WDR47: variants seen among roughly 807,000 people sequenced by gnomAD.
The protein encoded by WDR47 is WD repeat-containing protein 47.
WDR47 carries 32 observed loss-of-function variants against 97.2 expected under a neutral mutation model. The observed-to-expected ratio is 0.33, with a 90% confidence interval of 0.25 to 0.44. The LOEUF (loss-of-function observed/expected upper bound fraction) is 0.44, where lower values mean the gene tolerates loss of function less well. Ranked by LOEUF, WDR47 falls within the 20% of genes least tolerant of loss-of-function variation. WDR47 has a pLI of 1.00. For missense variants in WDR47, 782 were observed against 1,102.3 expected (o/e 0.71, Z 4.11); for synonymous variants, 375 against 373.5 (o/e 1.00, Z -0.05).
intron 2 of WDR47, among the ~76,000 whole-genome samples, chr1:109,020,646 AG>A (rs1204812449): frequency 1.3e-5 from 2 of 152,054 alleles, no homozygotes; most frequent in Admixed American, 6.6e-5. Context: ...TCATAAATCA[AG>A]CAGGAGGGTA....
chr1:109,001,338 TAAAC>T (rs1374156463), intron 7 of WDR47, among the ~76,000 whole-genome samples: 34 of 152,008 alleles, frequency 2.2e-4, no homozygotes, highest in Admixed American at 9.8e-4. Flanking sequence ...TAATAAAAAA[TAAAC>T]ACACACGTGT....
chr1:109,034,787 G>A (rs551921622), intron 1 of WDR47, among the ~76,000 whole-genome samples: 2 of 152,326 alleles, frequency 1.3e-5, no homozygotes, highest in Non-Finnish European at 2.9e-5. Context: ...CAAAAGGGCT[G>A]AGGACTGTTG....
In WDR47 at chr1:109,031,539, C is replaced by T. The variant is rs541613858; in HGVS notation, c.-9-8018G>A. ...ATATAACAAACCTGTACATGTACCCCTGAACCTAAAATGAATAGGAATGGG... is the reference window on the plus strand; with the variant it reads ...ATATAACAAACCTGTACATGTACCCTTGAACCTAAAATGAATAGGAATGGG... On this transcript the variant is annotated intron_variant, in intron 1 of 14. Coordinates refer to ENST00000369962, the MANE Select transcript of WDR47 (RefSeq NM_001142551.2). Among the ~76,000 whole-genome samples, 19 of 138,754 alleles carry T rather than the reference C, an allele frequency of 1.4e-4. 5 individuals are homozygous for T. In the South Asian group the frequency reaches 4.4e-3, roughly 32 times the overall value. The allele number at this position is 138,754 out of a possible 152,430, so 91.0% of individuals were successfully genotyped here.
At position 109,004,641 on chromosome 1, in the gene WDR47, G is replaced by A. The variant is rs748563049; in HGVS notation, c.1205C>T (p.Pro402Leu). The A allele has an allele frequency of 2.5e-6, 4 of 1,613,460 alleles. No homozygotes were observed. The highest frequency in any genetic ancestry group is 4.5e-5 in the East Asian group (2 of 44,814). The change falls in exon 6 of 15, where the codon CCT (proline) becomes CTT (leucine). Residue 402 changes from proline (P) to leucine (L), a missense_variant. Pro to Leu is a moderately conservative substitution (Grantham distance 98). This residue lies in a region of WDR47 where 428 missense variants were observed against 584.3 expected (regional missense o/e 0.73). Transcript: ENST00000369962. ...LGQSSVSEKE[P>L]ANGAQNPGPA... ...TCCTGGATTCTGTGCTCCATTTGCA[G>A]GCTCTTTTTCTGAAACTGAACTCTG...
chr1:109,009,974 A>C (rs1361072316), intron 5 of WDR47, among the ~76,000 whole-genome samples: 15 of 151,660 alleles, frequency 9.9e-5, no homozygotes, highest in Non-Finnish European at 1.5e-5. Context: ...CTCCAGCCTG[A>C]GTGACAAAAG....
chr1:109,040,582 T>C (rs1485191333), intron 1 of WDR47, among the ~76,000 whole-genome samples: 1 of 152,196 alleles, frequency 6.6e-6, no homozygotes, highest in Non-Finnish European at 1.5e-5. Context: ...TTTGGCTTTT[T>C]TACCTAACAA....
At chr1:108,993,662 A>G (rs1392607364) in intron 8 of WDR47, among the ~76,000 whole-genome samples, 1 of 152,190 alleles carries the variant, frequency 6.6e-6, no homozygotes, top group Non-Finnish European at 1.5e-5. Context: ...TAAAGTGATC[A>G]AAAAGCAGTA....
intron 8 of WDR47, among the ~76,000 whole-genome samples, chr1:108,995,035 A>G (rs1659647675): frequency 6.6e-6 from 1 of 152,196 alleles, no homozygotes; most frequent in Admixed American, 6.5e-5. Context: ...GTTTTATGCT[A>G]AGAATATAGA....
At chr1:109,037,626 C>CAAA (rs1334177386) in intron 1 of WDR47, among the ~76,000 whole-genome samples, 9 of 61,414 alleles carry the variant, frequency 1.5e-4, no homozygotes, top group African/African-American at 3.3e-4. Flanking sequence ...GACCTCGTCT[C>CAAA]AAAAAAAAAA....
chr1:108,986,121 T>G (rs1441727769), intron 10 of WDR47, among the ~76,000 whole-genome samples: 1 of 152,066 alleles, frequency 6.6e-6, no homozygotes, highest in Non-Finnish European at 1.5e-5. Context: ...TGTGTATGAA[T>G]AGGAAAAAAC....
chr1:109,020,056 G>A (rs1661708746), intron 2 of WDR47, among the ~76,000 whole-genome samples: 1 of 151,594 alleles, frequency 6.6e-6, no homozygotes, highest in Admixed American at 6.6e-5. Context: ...GATCAGCCAA[G>A]GGCAATATAG....
Position 109,023,537 on chromosome 1 carries a change from A to T in WDR47, c.-9-16T>A. 7.5e-6 allele frequency: 12 copies of T among 1,605,802 alleles called. No homozygotes were observed. Among genetic ancestry groups the T allele is most frequent in the Non-Finnish European group, 1.0e-5 (12 of 1,175,460 alleles). Reference sequence around the variant, plus strand: ...TATTGATAGCCTAAATATGAAACAGAAAAACAATAAAGCTAGTCCTATTGA... The same window carrying T: ...TATTGATAGCCTAAATATGAAACAGTAAAACAATAAAGCTAGTCCTATTGA... On this transcript the variant is annotated splice_polypyrimidine_tract_variant and intron_variant, in intron 1 of 14. Transcript: ENST00000369962.
At chr1:108,992,767 G>A (rs1316316037) in intron 8 of WDR47, 1 of 1,596,868 alleles carries the variant, frequency 6.3e-7, no homozygotes, top group Non-Finnish European at 8.5e-7. Flanking sequence ...AACCAGAAGA[G>A]GAGGTTGCCC....
intron 1 of WDR47, among the ~76,000 whole-genome samples, chr1:109,032,057 C>A (rs1261991479): frequency 7.2e-6 from 1 of 138,440 alleles, no homozygotes. Context: ...GCCTCAGCCT[C>A]CTAAAGTGCT....
intron 1 of WDR47, among the ~76,000 whole-genome samples, chr1:109,038,811 T>C (rs918026469): frequency 2.6e-5 from 4 of 152,048 alleles, no homozygotes; most frequent in Non-Finnish European, 4.4e-5. Flanking sequence ...ACCCTGTCTC[T>C]ACTAAAAATA....
chr1:109,038,232 T>C (rs985057317), intron 1 of WDR47, among the ~76,000 whole-genome samples: 1 of 152,180 alleles, frequency 6.6e-6, no homozygotes, highest in African/African-American at 2.4e-5. Context: ...GCTCAATAAA[T>C]GTAAATTCCT....
intron 1 of WDR47, chr1:109,030,312 A>G (rs930812282): frequency 1.9e-6 from 2 of 1,046,958 alleles, no homozygotes; most frequent in Non-Finnish European, 2.8e-6. Flanking sequence ...AGGAAGAAGC[A>G]GCACTAAAAG....
chr1:108,984,645 C>T (rs548884021), intron 10 of WDR47, among the ~76,000 whole-genome samples: 11 of 152,140 alleles, frequency 7.2e-5, no homozygotes, highest in East Asian at 5.8e-4. Context: ...TTTGGGAGGC[C>T]GAGGAGGGCG....
chr1:108,988,181 G>A (rs577615517), intron 9 of WDR47, among the ~76,000 whole-genome samples: 1 of 145,952 alleles, frequency 6.9e-6, no homozygotes, highest in African/African-American at 2.5e-5. Context: ...GGAGGTTGAG[G>A]CTATAGTGAG....
Sources: gnomAD v4.1 joint callset for allele counts (sites outside exome capture counted in the v4.1 genomes callset) on GRCh38, gnomAD v4.1.1 for gene constraint, gnomAD v4.1.1 regional missense constraint, MANE v1.5 for transcripts, NCBI Gene and HGNC (gene_info 2026-07-23, HGNC 2026-07-21) for gene names.